Variants in SLC6A12 observed in about 807,000 individuals in gnomAD.
The protein encoded by SLC6A12 is sodium- and chloride-dependent betaine transporter.
A neutral mutation model predicts 73.3 loss-of-function variants in SLC6A12; 50 were observed. The ratio of observed to expected loss-of-function variants is 0.68; its 90% CI spans 0.54 to 0.86. The LOEUF is 0.86. Ranked by LOEUF, SLC6A12 falls within the 40% of genes least tolerant of loss-of-function variation. The pLI, the probability that SLC6A12 is intolerant of heterozygous loss-of-function variation, is 0.00. For synonymous variants in SLC6A12, 304 were observed against 309.2 expected (o/e 0.98, Z 0.18); for missense variants, 648 against 772.8 (o/e 0.84, Z 1.92).
downstream of SLC6A12, among the ~76,000 whole-genome samples, chr12:187,495 A>T (rs1939451478): frequency 6.6e-6 from 1 of 150,572 alleles, no homozygotes; most frequent in Non-Finnish European, 1.5e-5. Flanking sequence ...CTGGTTTCAG[A>T]AGTAAACCTG....
Position 200,330 on chromosome 12 carries a change from G to A in SLC6A12, c.711+321C>T, listed in dbSNP as rs184039800. ...TTACCGTGTTAGCCAGGATGGTCTC[G>A]ATCTCCTGACCTCGTGATCCGCCAG... On this transcript the variant is annotated intron_variant, in intron 7 of 15. Coordinates refer to ENST00000684302, the MANE Select transcript of SLC6A12 (RefSeq NM_001122848.3). Among the ~76,000 whole-genome samples, 59 of 151,904 alleles carry A rather than the reference G, an allele frequency of 3.9e-4. 1 individual carries two copies. The highest frequency in any genetic ancestry group is 2.5e-3 in the South Asian group (12 of 4,792).
chr12:192,674 G>T, intron 14 of SLC6A12, 26 bp from the exon 15 acceptor site: 1 of 1,611,780 alleles, frequency 6.2e-7, no homozygotes, highest in Non-Finnish European at 8.5e-7. Context: ...GGCAGCCATG[G>T]GTAAGATAGG....
chr12:191,627 T>G (rs1939605271), intron 15 of SLC6A12, among the ~76,000 whole-genome samples: 2 of 152,196 alleles, frequency 1.3e-5, no homozygotes, highest in South Asian at 4.1e-4. Context: ...TAAGTATCTA[T>G]TATTTTTCTT....
At chr12:199,415 G>C (rs10161151) in intron 7 of SLC6A12, among the ~76,000 whole-genome samples, 163 of 152,290 alleles carry the variant, frequency 1.1e-3, no homozygotes, top group African/African-American at 3.7e-3. Context: ...GCGACCCAGG[G>C]GAATAGTGAC....
intron 5 of SLC6A12, among the ~76,000 whole-genome samples, 191 bp from the exon 6 acceptor site, chr12:202,040 T>C (rs1204726770): frequency 6.6e-6 from 1 of 152,198 alleles, no homozygotes; most frequent in Non-Finnish European, 1.5e-5. Context: ...TTGTTCCCTG[T>C]GAATCTGCCT....
In SLC6A12 at chr12:198,456, C is replaced by T. The variant is rs552188204; in HGVS notation, c.846+341G>A. On this transcript the variant is annotated intron_variant, in intron 8 of 15. Transcript: ENST00000684302. The surrounding 1 kb of genome is among the most constrained non-coding windows in gnomAD (Gnocchi z 4.0). ...GCTCATGCCTGCAGTCCCAGCTGCT[C>T]AGGAGGCTGAGGCGAGAGAATGCCT... is the stretch of plus-strand genomic sequence containing the variant. Among the ~76,000 whole-genome samples, 1 of 152,300 alleles carries T rather than the reference C, an allele frequency of 6.6e-6. No individual in the cohort carries two copies. Among genetic ancestry groups the T allele is most frequent in the East Asian group, 1.9e-4 (1 of 5,170 alleles).
At chr12:188,662 G>T (rs1444705642), downstream of SLC6A12, among the ~76,000 whole-genome samples, 2 of 144,310 alleles carry the variant, frequency 1.4e-5, no homozygotes, top group Non-Finnish European at 3.0e-5. Flanking sequence ...TGCTCCTTAC[G>T]CACGCACGTC....
downstream of SLC6A12, among the ~76,000 whole-genome samples, chr12:188,666 G>T (rs900626370): frequency 3.5e-5 from 5 of 141,212 alleles, no homozygotes; most frequent in Non-Finnish European, 7.7e-5. Context: ...CCTTACGCAC[G>T]CACGTCGTAT....
intron 14 of SLC6A12, 106 bp from the exon 15 acceptor site, chr12:192,754 C>T (rs1017705396): frequency 4.5e-5 from 47 of 1,050,292 alleles, no homozygotes; most frequent in Non-Finnish European, 5.6e-5. Flanking sequence ...CACTGCAGCA[C>T]GTCTGTAAGG....
chr12:188,516 G>C (rs1288111755), downstream of SLC6A12, among the ~76,000 whole-genome samples: 1 of 152,182 alleles, frequency 6.6e-6, no homozygotes, highest in Non-Finnish European at 1.5e-5. Flanking sequence ...CCCAGAAAGG[G>C]GCTCCCACAG....
At chr12:189,755 A>C (rs1565462427), downstream of SLC6A12, among the ~76,000 whole-genome samples, 3 of 151,920 alleles carry the variant, frequency 2.0e-5, no homozygotes, top group Admixed American at 6.6e-5. Flanking sequence ...GGCATGTGGG[A>C]CTCGGTAGGG....
rs767101632 is a variant in SLC6A12 at position 202,800 on chromosome 12, G to A, written c.430C>T (p.Leu144=). 6.2e-7 allele frequency: 1 copy of A among 1,614,002 alleles called. No individual in the cohort carries two copies. Among genetic ancestry groups the A allele is most frequent in the Admixed American group, 1.7e-5 (1 of 60,022 alleles). Residue 144 remains leucine (L), a synonymous_variant, in exon 5 of 16, where the codon CTG becomes TTG. Coordinates refer to ENST00000684302, the MANE Select transcript of SLC6A12 (RefSeq NM_001122848.3). ...AGCTCAGAAGTGAAGGAGCTGAACA[G>A]GTAGAAGAGAGCCCAGGCAAGGATG... The part of the protein sequence containing the change: ...IIILAWALFY[L]FSSFTSELPW...
downstream of SLC6A12, among the ~76,000 whole-genome samples, chr12:187,926 A>T (rs528083239): frequency 2.7e-4 from 41 of 152,264 alleles, no homozygotes; most frequent in African/African-American, 9.1e-4. Flanking sequence ...AGCTAGACAC[A>T]GGGTGCTGAT....
downstream of SLC6A12, among the ~76,000 whole-genome samples, chr12:187,350 G>A (rs944242803): frequency 2.6e-5 from 4 of 151,964 alleles, no homozygotes; most frequent in African/African-American, 7.3e-5. Flanking sequence ...AGATGTGTTC[G>A]GAGTTTTTTC....
At position 190,987 on chromosome 12, in the gene SLC6A12, G is replaced by T; in HGVS notation, c.*81C>A. The T allele has an allele frequency of 8.6e-7, 1 of 1,168,262 alleles. No homozygotes were observed. The highest frequency in any genetic ancestry group is 1.1e-6 in the Non-Finnish European group (1 of 919,202). 72.4% of individuals were successfully genotyped at this position (1,168,262 alleles called of 1,614,324 possible). On this transcript the variant is annotated 3_prime_UTR_variant, in exon 16 of 16. Transcript: ENST00000684302. The stretch of plus-strand genomic sequence containing the variant: ...CAGCAGGATTGTGGCAGGAGACAGA[G>T]GCAGAGGCTGTCCGCTGAGAATGGA...
chr12:192,206 A>G lies in SLC6A12; in HGVS notation c.1701+272T>C, dbSNP rs570764098. On this transcript the variant is annotated intron_variant, in intron 15 of 15. Transcript: ENST00000684302. The stretch of plus-strand genomic sequence containing the variant: ...TGTTTGTGACTTAGTTTTCTCCTGA[A>G]CCTTTCAGCAGTTTGCCCTCCGTTA... 1.9e-3 allele frequency among the ~76,000 whole-genome samples: 290 copies of G among 152,194 alleles called. 4 individuals are homozygous for G. Among genetic ancestry groups the G allele is most frequent in the Non-Finnish European group, 2.6e-3 (174 of 68,008 alleles).
At chr12:187,589 CAAAAAAAAAAAAAAAAAAAAA>C (rs761187495), downstream of SLC6A12, among the ~76,000 whole-genome samples, 89 of 106,056 alleles carry the variant, frequency 8.4e-4, 3 homozygotes, top group East Asian at 1.8e-3. Flanking sequence ...TGCAAAAGAG[CAAAAAAAAAAAAAAAAAAAAA>C]AAAAAAAAAA....
chr12:193,329 G>A lies in SLC6A12; in HGVS notation c.1478C>T (p.Pro493Leu), dbSNP rs1347818092. The A allele has an allele frequency of 1.9e-6, 3 of 1,614,006 alleles. No homozygotes were observed. Among genetic ancestry groups the A allele is most frequent in the Non-Finnish European group, 1.7e-6 (2 of 1,179,988 alleles). The change falls in exon 14 of 16, where the codon CCA becomes CTA. Residue 493 changes from proline to leucine, a missense_variant. Pro to Leu is a moderately conservative substitution (Grantham distance 98, BLOSUM62 -3). Coordinates refer to ENST00000684302, the MANE Select transcript of SLC6A12 (RefSeq NM_001122848.3). ...CCAGGAGATCTTCACCAGGGGCCAT[G>A]GCCGGTAGCCAATCATGTCCTCAAT... ...DNIEDMIGYRPWPLVKISWLF... is the reference protein window; with the variant it reads ...DNIEDMIGYRLWPLVKISWLF...
chr12:200,380 T>G (rs569876831), intron 7 of SLC6A12, among the ~76,000 whole-genome samples: 1 of 152,304 alleles, frequency 6.6e-6, no homozygotes, highest in South Asian at 2.1e-4. Context: ...AGTGCTGGGA[T>G]TACAGGCGTG....
Sources: allele counts gnomAD v4.1 joint callset (sites outside exome capture counted in the v4.1 genomes callset), GRCh38; gene constraint gnomAD v4.1.1; non-coding constraint Gnocchi (gnomAD v3.1); transcripts MANE v1.5; gene names NCBI Gene and HGNC (gene_info 2026-07-23, HGNC 2026-07-21).